LPP: variants seen among roughly 807,000 people sequenced by gnomAD.
LPP encodes the protein LIM domain containing preferred translocation partner in lipoma.
A neutral mutation model predicts 60.4 loss-of-function variants in LPP; 38 were observed. The observed-to-expected ratio is 0.63, with a 90% confidence interval of 0.49 to 0.83. The LOEUF is 0.83. Among genes scored for constraint, LPP ranks in the 40% least tolerant of loss-of-function variants. The pLI is 0.00. For synonymous variants in LPP, 328 were observed against 290.8 expected, an observed-to-expected ratio of 1.13 and a Z score of -1.30; for missense variants, 902 against 783.6, an observed-to-expected ratio of 1.15 and a Z score of -1.80.
chr3:188,194,119 G>T (rs907521929), intron 1 of LPP, among the ~76,000 whole-genome samples: 1 of 152,246 alleles, frequency 6.6e-6, no homozygotes, highest in Admixed American at 6.5e-5. Context: ...CTCTGTTGGT[G>T]AGTGGCCCTC....
intron 2 of LPP, among the ~76,000 whole-genome samples, chr3:188,328,183 T>C (rs182455255): frequency 6.6e-6 from 1 of 152,314 alleles, no homozygotes; most frequent in African/African-American, 2.4e-5. Context: ...ATAGGTTAGT[T>C]TCAATGTGGA....
intron 6 of LPP, among the ~76,000 whole-genome samples, chr3:188,537,110 C>G (rs79647401): frequency 1.4e-3 from 216 of 152,320 alleles, no homozygotes; most frequent in African/African-American, 5.1e-3. Context: ...TTTCTCCCAT[C>G]ATCTAGTCTA....
At chr3:188,645,804 A>G (rs1851002111) in intron 7 of LPP, among the ~76,000 whole-genome samples, 1 of 151,172 alleles carries the variant, frequency 6.6e-6, no homozygotes, top group Non-Finnish European at 1.5e-5. Flanking sequence ...TGACAAATAT[A>G]AGTTCAAAAA....
intron 1 of LPP, among the ~76,000 whole-genome samples, chr3:188,205,168 T>C (rs1488945946): frequency 6.6e-6 from 1 of 151,860 alleles, no homozygotes. Context: ...AGGAGGTAGA[T>C]AAACAATATT....
chr3:188,746,740 A>T (rs1388479869), intron 8 of LPP: 5 of 281,208 alleles, frequency 1.8e-5, no homozygotes, highest in Non-Finnish European at 3.6e-5. Flanking sequence ...AGGGATTTGG[A>T]TATATGTTTA....
At chr3:188,686,058 C>T (rs1334602590) in intron 7 of LPP, among the ~76,000 whole-genome samples, 11 of 152,102 alleles carry the variant, frequency 7.2e-5, no homozygotes, top group African/African-American at 2.7e-4. Context: ...CATTGCTCAC[C>T]TCTCTAATCC....
intron 8 of LPP, chr3:188,711,698 G>C (rs1711564931): frequency 6.6e-6 from 1 of 152,142 alleles, no homozygotes; most frequent in Non-Finnish European, 1.5e-5. Context: ...GGTAGATGTG[G>C]GTCTTACCTT....
chr3:188,829,020 C>T (rs747455804), intron 9 of LPP, among the ~76,000 whole-genome samples: 6 of 151,972 alleles, frequency 3.9e-5, no homozygotes, highest in African/African-American at 4.8e-5. Flanking sequence ...GATCTTTTAT[C>T]GGCAAAGACC....
intron 6 of LPP, among the ~76,000 whole-genome samples, chr3:188,545,714 C>A (rs1419087814): frequency 6.6e-6 from 1 of 152,030 alleles, no homozygotes; most frequent in Admixed American, 6.6e-5. Context: ...TTTCTTACAG[C>A]ATGGTGGATG....
At chr3:188,443,846 A>G (rs1460888793) in intron 4 of LPP, among the ~76,000 whole-genome samples, 1 of 152,226 alleles carries the variant, frequency 6.6e-6, no homozygotes, top group Non-Finnish European at 1.5e-5. Flanking sequence ...TTATTCATTA[A>G]CAAAGTATTT....
At chr3:188,546,212 G>A (rs1040191377) in intron 6 of LPP, among the ~76,000 whole-genome samples, 1 of 152,038 alleles carries the variant, frequency 6.6e-6, no homozygotes, top group Non-Finnish European at 1.5e-5. Context: ...CAGAGTTCAG[G>A]TTCAAAACCA....
At chr3:188,322,970 T>C (rs972191532) in intron 2 of LPP, among the ~76,000 whole-genome samples, 6 of 152,158 alleles carry the variant, frequency 3.9e-5, no homozygotes, top group African/African-American at 1.2e-4. Flanking sequence ...CATCTTCACT[T>C]TAGAGGTGGG....
rs544385810 is a variant in LPP at position 188,226,542 on chromosome 3, G to A, written c.-67+1015G>A. Among the ~76,000 whole-genome samples the A allele has an allele frequency of 9.1e-4, 138 of 152,214 alleles. No homozygotes were observed. In the South Asian group the frequency reaches 0.011, roughly 12 times the overall value. On this transcript the variant is annotated intron_variant, in intron 2 of 11. Transcript: ENST00000617246. ...AGAACATTATGTTCTAAAAAATCGG[G>A]GTGGTAAAAAGAATCAACAGTGTGG...
intron 3 of LPP, among the ~76,000 whole-genome samples, chr3:188,356,164 G>C (rs1036572606): frequency 6.6e-6 from 1 of 152,116 alleles, no homozygotes; most frequent in African/African-American, 2.4e-5. Context: ...GTTGAACTTG[G>C]ACACATTTTT....
At chr3:188,799,903 C>T (rs1746501676) in intron 9 of LPP, among the ~76,000 whole-genome samples, 2 of 152,250 alleles carry the variant, frequency 1.3e-5, no homozygotes, top group Admixed American at 6.5e-5. Context: ...CAACTCCTCT[C>T]TCTAGAGGAA....
chr3:188,564,514 C>T (rs1296066328), intron 6 of LPP, among the ~76,000 whole-genome samples: 1 of 151,708 alleles, frequency 6.6e-6, no homozygotes, highest in African/African-American at 2.4e-5. Context: ...CATAATATAC[C>T]AGGATGAGCC....
At chr3:188,408,179 C>T (rs868503553) in intron 4 of LPP, among the ~76,000 whole-genome samples, 2 of 151,524 alleles carry the variant, frequency 1.3e-5, no homozygotes, top group South Asian at 4.1e-4. Flanking sequence ...CAGTGGACCT[C>T]TCTCTAATCT....
intron 2 of LPP, among the ~76,000 whole-genome samples, chr3:188,250,189 T>G (rs1728638281): frequency 1.3e-5 from 2 of 152,170 alleles, no homozygotes; most frequent in Non-Finnish European, 2.9e-5. Flanking sequence ...TCAAGTCTCT[T>G]TAGTCTCCTT....
rs746100160 is a variant in LPP, at chr3:188,684,586, G to A, written c.1114-23681G>A. Among the ~76,000 whole-genome samples the A allele has an allele frequency of 1.1e-3, 166 of 152,192 alleles. 1 individual carries two copies. Among genetic ancestry groups the A allele is most frequent in the Middle Eastern group, 3.4e-3 (1 of 294 alleles). On this transcript the variant is annotated intron_variant, in intron 7 of 11. Transcript: ENST00000617246. ...CTTATGTCAAAACTTTGTCCCATACGCTGTTAGTGTTAGAAATGGAGCCGT... is the reference window on the plus strand; with the variant it reads ...CTTATGTCAAAACTTTGTCCCATACACTGTTAGTGTTAGAAATGGAGCCGT...
Sources: gnomAD v4.1 joint callset for allele counts (sites outside exome capture counted in the v4.1 genomes callset) on GRCh38, gnomAD v4.1.1 for gene constraint, MANE v1.5 for transcripts, NCBI Gene and HGNC (gene_info 2026-07-23, HGNC 2026-07-21) for gene names.